The following DLL3 variants were observed in gnomAD, a reference collection of about 807,000 sequenced individuals.
DLL3 encodes delta like canonical Notch ligand 3.
Under a neutral mutation model 55.0 loss-of-function variants are expected in DLL3, and 49 were observed. The ratio of observed to expected loss-of-function variants is 0.89; its 90% CI spans 0.71 to 1.13. DLL3 has a LOEUF of 1.13. Ranked by LOEUF, DLL3 falls within the 50% of genes most tolerant of loss-of-function variation. The pLI, the probability that DLL3 is intolerant of heterozygous loss-of-function variation, is 0.00. For synonymous variants in DLL3, 421 were observed against 385.2 expected, an observed-to-expected ratio of 1.09 and a Z score of -1.09; for missense variants, 962 against 875.5, an observed-to-expected ratio of 1.10 and a Z score of -1.25.
At position 39,505,577 on chromosome 19, in the gene DLL3, G is replaced by T. The variant is rs142732751; in HGVS notation, c.1093+126G>T. The T allele has an allele frequency of 1.8e-3, 1,738 of 963,490 alleles. 25 individuals are homozygous for T. The African/African-American group carries it at 0.025, about 14-fold the overall frequency. 59.7% of individuals were successfully genotyped at this position (963,490 alleles called of 1,614,324 possible). A position where few individuals can be genotyped will look rare whatever the true frequency, so the allele number is the denominator to read the frequency against. ...GGCCTGGGGACCTGACCTTCCACCTGCAAGCCTGTAAAATGGGCAAGGAGA... is the reference window on the plus strand; with the variant it reads ...GGCCTGGGGACCTGACCTTCCACCTTCAAGCCTGTAAAATGGGCAAGGAGA... On this transcript the variant is annotated intron_variant, in intron 6 of 8. Transcript: ENST00000356433.
chr19:39,503,869 C>T (rs572761697), intron 4 of DLL3, among the ~76,000 whole-genome samples: 5 of 152,306 alleles, frequency 3.3e-5, no homozygotes, highest in Admixed American at 1.3e-4. Context: ...GGGCTGGTCA[C>T]CTCGTCTCTG....
chr19:39,499,095 G>GGTGA, intron 1 of DLL3, 52 bp downstream of exon 1: 1 of 1,613,690 alleles, frequency 6.2e-7, no homozygotes, highest in Non-Finnish European at 8.5e-7. Flanking sequence ...GGAGGGGAGG[G>GGTGA]GTGAGTGCGA....
chr19:39,503,278 T>G (rs1313270371), intron 4 of DLL3, among the ~76,000 whole-genome samples: 1 of 152,172 alleles, frequency 6.6e-6, no homozygotes, highest in Admixed American at 6.5e-5. Flanking sequence ...GCTGCCACCT[T>G]CGGAGAAACT....
rs1225169399 is a variant in DLL3, at chr19:39,505,374, G to C, written c.1016G>C (p.Cys339Ser). 5.6e-6 allele frequency: 9 copies of C among 1,614,006 alleles called. No homozygotes were observed. Among genetic ancestry groups the C allele is most frequent in the Non-Finnish European group, 7.6e-6 (9 of 1,180,026 alleles). The change falls in exon 6 of 9, where the codon TGC becomes TCC. Residue 339 changes from cysteine (C) to serine (S), a missense_variant. By Grantham distance (112) the Cys-to-Ser change is moderately radical. Transcript: ENST00000356433. Reference protein sequence around the residue: ...GGADPDSAYICHCPPGFQGSN... With the variant: ...GGADPDSAYISHCPPGFQGSN... ...GCAGACCCTGACTCTGCCTACATCT[G>C]CCACTGCCCACCCGGTTTCCAAGGC...
intron 4 of DLL3, among the ~76,000 whole-genome samples, chr19:39,503,282 A>G (rs1052005533): frequency 6.6e-6 from 1 of 152,076 alleles, no homozygotes; most frequent in South Asian, 2.1e-4. Flanking sequence ...CCACCTTCGG[A>G]GAAACTGAGG....
chr19:39,507,332 CG>C lies in DLL3; in HGVS notation c.1389del (p.Cys464ValfsTer84). The C allele has an allele frequency of 6.4e-7, 1 of 1,568,936 alleles. No individual in the cohort carries two copies. The highest frequency in any genetic ancestry group is 8.6e-7 in the Non-Finnish European group (1 of 1,165,040). ...CACAPGYMGA[R>X]CEFPVHPDGA... ...TTGCGCTCCCGGCTACATGGGAGCG[CG>C]GTGTGAGTTCCCAGTGCACCCCGAC... On this transcript the variant is annotated frameshift_variant, in exon 7 of 9. Coordinates refer to ENST00000356433, the MANE Select transcript of DLL3 (RefSeq NM_203486.3). LOFTEE classifies it high-confidence loss of function.
At position 39,504,092 on chromosome 19, in the gene DLL3, G is replaced by C; in HGVS notation, c.674G>C (p.Ser225Thr). Residue 225 changes from serine to threonine, a missense_variant, in exon 5 of 9, where the codon AGC (serine) becomes ACC (threonine). Physicochemically the swap from Ser to Thr is moderately conservative, Grantham distance 58 (BLOSUM62 1). Transcript: ENST00000356433. ...ATAGTGGTGTGCCGAGCAGGCTGCA[G>C]CCCTGAGCATGGCTTCTGTGAACAG... Reference protein sequence around the residue: ...EAPLVCRAGCSPEHGFCEQPG... With the variant: ...EAPLVCRAGCTPEHGFCEQPG... The C allele has an allele frequency of 1.2e-6, 2 of 1,613,320 alleles. No homozygotes were observed. The highest frequency in any genetic ancestry group is 2.2e-5 in the South Asian group (2 of 91,084).
intron 3 of DLL3, among the ~76,000 whole-genome samples, chr19:39,501,203 A>G (rs62120695): frequency 0.23 from 34,472 of 151,804 alleles, 4,052 homozygotes; most frequent in Middle Eastern, 0.38. Flanking sequence ...GGATTTCACC[A>G]TGTTGTCCAG....
chr19:39,504,198 C>T lies in DLL3; in HGVS notation c.780C>T (p.Pro260=). Residue 260 remains proline, a synonymous_variant, in exon 5 of 9, where the codon CCC becomes CCT. Coordinates refer to ENST00000356433, the MANE Select transcript of DLL3 (RefSeq NM_203486.3). ...TCTCCACCAGCAGCTGCCTCAGCCCCAGGGGCCCGTCCTCTGCTACCACCG... is the reference window on the plus strand; with the variant it reads ...TCTCCACCAGCAGCTGCCTCAGCCCTAGGGGCCCGTCCTCTGCTACCACCG... ...VPVSTSSCLS[P]RGPSSATTGC... is the part of the protein sequence containing the mutation. 1.2e-6 allele frequency: 2 copies of T among 1,612,674 alleles called. No individual in the cohort carries two copies. Among genetic ancestry groups the T allele is most frequent in the Non-Finnish European group, 1.7e-6 (2 of 1,180,042 alleles).
rs777791545 is a variant in DLL3 at position 39,507,229 on chromosome 19, G to GCGCGCGGACCCGTGCGC, written c.1291_1307dup (p.Pro437ThrfsTer117). ...GCTTCGGCGGCCGCGACTGCCGCGAGCGCGCGGACCCGTGCGCCGCGCGCC... is the reference window on the plus strand; with the variant it reads ...GCTTCGGCGGCCGCGACTGCCGCGAGCGCGCGGACCCGTGCGCCGCGCGGACCCGTGCGCCGCGCGCC... On this transcript the variant is annotated frameshift_variant, in exon 7 of 9. Transcript: ENST00000356433. LOFTEE classifies it high-confidence loss of function. 11 of 1,372,872 alleles carry GCGCGCGGACCCGTGCGC rather than the reference G, an allele frequency of 8.0e-6. No homozygotes were observed. The highest frequency in any genetic ancestry group is 6.5e-6 in the Non-Finnish European group (7 of 1,071,936). 85.0% of individuals were successfully genotyped at this position (1,372,872 alleles called of 1,614,324 possible). A position where few individuals can be genotyped will look rare whatever the true frequency, so the allele number is the denominator to read the frequency against.
intron 6 of DLL3, 66 bp from the exon 7 acceptor site, chr19:39,506,973 G>A (rs1039875154): frequency 2.1e-5 from 32 of 1,495,682 alleles, no homozygotes; most frequent in Non-Finnish European, 2.9e-5. Context: ...ACAGAGCTGG[G>A]AAACAGCGCG....
intron 7 of DLL3, 29 bp from the exon 8 acceptor site, chr19:39,507,801 G>C: frequency 6.2e-7 from 1 of 1,613,828 alleles, no homozygotes; most frequent in Non-Finnish European, 8.5e-7. Flanking sequence ...TAAAGAGTCT[G>C]AGTTTTTCTT....
At position 39,507,836 on chromosome 19, in the gene DLL3, C is replaced by T; in HGVS notation, c.1680C>T (p.Ser560=). The change falls in exon 8 of 9, where the codon TCC becomes TCT. Residue 560 remains serine, a synonymous_variant. Transcript: ENST00000356433. Reference sequence around the variant, plus strand: ...TCTTTCTCTCCTCCCACAGCTCGTCCGTAGATTGGAATCGCCCTGAAGATG... The same window carrying T: ...TCTTTCTCTCCTCCCACAGCTCGTCTGTAGATTGGAATCGCCCTGAAGATG... ...QEGSGDGPSS[S]VDWNRPEDVD... The T allele has an allele frequency of 6.2e-7, 1 of 1,614,112 alleles. No homozygotes were observed. Among genetic ancestry groups the T allele is most frequent in the South Asian group, 1.1e-5 (1 of 91,074 alleles).
rs1051067959 is a variant in DLL3, at chr19:39,507,412, G to C, written c.1467G>C (p.Gln489His). ...CGGGCCTCAGGCCCGGGGACCCTCA[G>C]CGCTACCTTTTGCCTCCGGCTCTGG... ...APPGLRPGDP[Q>H]RYLLPPALGL... Residue 489 changes from glutamine (Q) to histidine (H), a missense_variant, in exon 7 of 9, where the codon CAG (glutamine) becomes CAC (histidine). Coordinates refer to ENST00000356433, the MANE Select transcript of DLL3 (RefSeq NM_203486.3). 1 of 1,588,518 alleles carries C rather than the reference G, an allele frequency of 6.3e-7. No individual in the cohort carries two copies. Among genetic ancestry groups the C allele is most frequent in the Non-Finnish European group, 8.6e-7 (1 of 1,169,538 alleles).
chr19:39,501,103 A>C (rs2079607377), intron 3 of DLL3, among the ~76,000 whole-genome samples: 1 of 151,802 alleles, frequency 6.6e-6, no homozygotes, highest in Non-Finnish European at 1.5e-5. Flanking sequence ...GGGTTCAAGC[A>C]ATTCTTCTGC....
rs1362912660 is a variant in DLL3, at chr19:39,507,074, T to G, written c.1129T>G (p.Cys377Gly). The change falls in exon 7 of 9, where the codon TGC becomes GGC. Residue 377 changes from cysteine to glycine, a missense_variant. Physicochemically the swap from Cys to Gly is radical, Grantham distance 159 (BLOSUM62 -3). Coordinates refer to ENST00000356433, the MANE Select transcript of DLL3 (RefSeq NM_203486.3). ...LCLDLGHALR[C>G]RCRAGFAGPR... ...CCTGGACCTGGGCCACGCCCTGCGC[T>G]GCCGCTGCCGCGCCGGCTTCGCGGG... is the stretch of plus-strand genomic sequence containing the variant. 6.5e-7 allele frequency: 1 copy of G among 1,541,732 alleles called. No individual in the cohort carries two copies. Among genetic ancestry groups the G allele is most frequent in the Non-Finnish European group, 8.7e-7 (1 of 1,150,876 alleles).
At position 39,502,849 on chromosome 19, in the gene DLL3, C is replaced by T. The variant is rs1031616535; in HGVS notation, c.444C>T (p.Gly148=). The T allele has an allele frequency of 4.2e-6, 6 of 1,415,494 alleles. No homozygotes were observed. Among genetic ancestry groups the T allele is most frequent in the Non-Finnish European group, 5.5e-6 (6 of 1,090,336 alleles). 87.7% of individuals were successfully genotyped at this position (1,415,494 alleles called of 1,614,324 possible). A position where few individuals can be genotyped will look rare whatever the true frequency, so the allele number is the denominator to read the frequency against. ...PAWSLLARVA[G]RRRLAAGGPW... ...GGAGCCTGCTGGCGCGCGTGGCTGGCAGGCGGCGCTTGGCAGCCGGAGGCC... is the reference window on the plus strand; with the variant it reads ...GGAGCCTGCTGGCGCGCGTGGCTGGTAGGCGGCGCTTGGCAGCCGGAGGCC... The change falls in exon 4 of 9, where the codon GGC becomes GGT. Residue 148 remains glycine (G), a synonymous_variant. Coordinates refer to ENST00000356433, the MANE Select transcript of DLL3 (RefSeq NM_203486.3).
In DLL3 at chr19:39,507,021, A is replaced by G. The variant is rs748892736; in HGVS notation, c.1094-18A>G. 1.1e-4 allele frequency: 168 copies of G among 1,532,622 alleles called. No individual in the cohort carries two copies. The highest frequency in any genetic ancestry group is 1.4e-4 in the Non-Finnish European group (166 of 1,145,912). The allele number at this position is 1,532,622 out of a possible 1,614,324, so 94.9% of individuals were successfully genotyped here. On this transcript the variant is annotated intron_variant, in intron 6 of 8. Transcript: ENST00000356433. ...CCCGGCTCCCGGACTGCGCCCTCTG[A>G]TGCTCCCTTCCCCACAGGCGGACTC...
rs1045208902 is a variant in DLL3 at position 39,503,036 on chromosome 19, G to A, written c.631G>A (p.Glu211Lys). 6 of 1,520,136 alleles carry A rather than the reference G, an allele frequency of 3.9e-6. No individual in the cohort carries two copies. The highest frequency in any genetic ancestry group is 2.0e-5 in the Admixed American group (1 of 49,734). The allele number at this position is 1,520,136 out of a possible 1,614,324, so 94.2% of individuals were successfully genotyped here. A position where few individuals can be genotyped will look rare whatever the true frequency, so the allele number is the denominator to read the frequency against. ...GPGLRPCAPL[E>K]DECEAPLVCR... ...GGGACTGCGCCCCTGCGCACCGCTC[G>A]AGGACGAATGTGAGGCGCCGCGTGA... Residue 211 changes from glutamate to lysine, a missense_variant, in exon 4 of 9, where the codon GAG becomes AAG. Glu to Lys is a moderately conservative substitution (Grantham distance 56). Transcript: ENST00000356433.
Sources: allele counts gnomAD v4.1 joint callset (sites outside exome capture counted in the v4.1 genomes callset), GRCh38; gene constraint gnomAD v4.1.1; transcripts MANE v1.5; gene names NCBI Gene and HGNC (gene_info 2026-07-23, HGNC 2026-07-21).